Variants in SIMC1 observed in about 807,000 individuals in gnomAD.
SIMC1 encodes the protein SUMO interacting motifs containing 1.
In SIMC1, 55 loss-of-function variants were observed where a neutral mutation model predicts 82.3. The ratio of observed to expected loss-of-function variants is 0.67; its 90% CI spans 0.54 to 0.84. The LOEUF is 0.84. SIMC1 is among the 40% of genes least tolerant of loss of function. The pLI, the probability that SIMC1 is intolerant of heterozygous loss-of-function variation, is 0.00. For missense variants in SIMC1, 915 were observed against 1,107.2 expected (o/e 0.83, Z 2.46); for synonymous variants, 353 against 426.3 (o/e 0.83, Z 2.12).
intron 1 of SIMC1, among the ~76,000 whole-genome samples, chr5:176,257,296 G>T (rs558844084): frequency 6.6e-6 from 1 of 152,108 alleles, no homozygotes; most frequent in African/African-American, 2.4e-5. Flanking sequence ...ATGGATCAAA[G>T]ACTTTTATAT....
chr5:176,303,771 T>A (rs1353791593), intron 4 of SIMC1, among the ~76,000 whole-genome samples: 1 of 152,192 alleles, frequency 6.6e-6, no homozygotes. Flanking sequence ...TTTGGGTACA[T>A]GGTCAAGTGA....
At chr5:176,313,554 A>G (rs529265725) in intron 4 of SIMC1, 137 bp from the exon 5 acceptor site, 1 of 1,550,514 alleles carries the variant, frequency 6.4e-7, no homozygotes, top group African/African-American at 1.4e-5. Context: ...GCCCTCTCCT[A>G]GGAGCCTCTC....
In SIMC1 at chr5:176,287,625, A is replaced by G. The variant is rs577686309; in HGVS notation, c.130-2029A>G. Among the ~76,000 whole-genome samples the G allele has an allele frequency of 7.4e-5, 11 of 148,356 alleles. No individual in the cohort carries two copies. In the South Asian group the frequency reaches 2.2e-3, roughly 29 times the overall value. On this transcript the variant is annotated intron_variant, in intron 1 of 9. Coordinates refer to ENST00000429602, the MANE Select transcript of SIMC1 (RefSeq NM_001308195.2). ...GCACATGTACCCTAGAACTTAAAAT[A>G]TAATAATTTTTTAAAAAGTTAAAAA...
intron 5 of SIMC1, among the ~76,000 whole-genome samples, chr5:176,314,293 T>C (rs1764805801): frequency 6.6e-6 from 1 of 152,162 alleles, no homozygotes; most frequent in South Asian, 2.1e-4. Context: ...TTTTTAAAAA[T>C]AAAACTATAG....
At chr5:176,292,458 AT>A (rs1179941441) in intron 2 of SIMC1, among the ~76,000 whole-genome samples, 4 of 151,932 alleles carry the variant, frequency 2.6e-5, no homozygotes, top group South Asian at 2.1e-4. Flanking sequence ...TTGGAGAATG[AT>A]TTTTTTTCTC....
chr5:176,284,104 T>C (rs1290704730), intron 1 of SIMC1, among the ~76,000 whole-genome samples: 2 of 152,080 alleles, frequency 1.3e-5, no homozygotes, highest in Non-Finnish European at 2.9e-5. Flanking sequence ...CTGTCACCAT[T>C]AGACAGATCA....
At position 176,290,839 on chromosome 5, in the gene SIMC1, A is replaced by C. The variant is rs141786253; in HGVS notation, c.1315A>C (p.Thr439Pro). ...KPGSAHVQSRTPQGGLYNRPC... is the reference protein window; with the variant it reads ...KPGSAHVQSRPPQGGLYNRPC... ...TGGGTCTGCCCACGTACAATCACGAACACCACAAGGTGGGTTGTACAACAG... is the reference window on the plus strand; with the variant it reads ...TGGGTCTGCCCACGTACAATCACGACCACCACAAGGTGGGTTGTACAACAG... The change falls in exon 2 of 10, where the codon ACA becomes CCA. Residue 439 changes from threonine (T) to proline (P), a missense_variant. Coordinates refer to ENST00000429602, the MANE Select transcript of SIMC1 (RefSeq NM_001308195.2). 1 of 1,613,840 alleles carries C rather than the reference A, an allele frequency of 6.2e-7. No individual in the cohort carries two copies. The highest frequency in any genetic ancestry group is 8.5e-7 in the Non-Finnish European group (1 of 1,179,786).
intron 1 of SIMC1, among the ~76,000 whole-genome samples, chr5:176,273,310 C>T (rs1165905885): frequency 6.6e-6 from 1 of 152,184 alleles, no homozygotes; most frequent in Non-Finnish European, 1.5e-5. Flanking sequence ...TGGTGATACT[C>T]AGGCAAACAG....
At chr5:176,262,034 A>G (rs1286523867) in intron 1 of SIMC1, among the ~76,000 whole-genome samples, 2 of 151,732 alleles carry the variant, frequency 1.3e-5, no homozygotes, top group East Asian at 1.9e-4. Context: ...CTACAGACCA[A>G]TATCTTTTAT....
chr5:176,333,141 TAAA>T (rs1335953606), intron 7 of SIMC1, among the ~76,000 whole-genome samples: 2 of 151,880 alleles, frequency 1.3e-5, no homozygotes, highest in Non-Finnish European at 2.9e-5. Context: ...CCGTCTCTAC[TAAA>T]AATACAAAAA....
chr5:176,337,012 T>G (rs1765930603), intron 8 of SIMC1, 50 bp from the exon 9 acceptor site: 2 of 1,606,064 alleles, frequency 1.2e-6, no homozygotes, highest in Admixed American at 1.7e-5. Flanking sequence ...TGTACAAAAA[T>G]TTTAACTGGG....
chr5:176,280,899 A>G (rs1762975208), intron 1 of SIMC1, among the ~76,000 whole-genome samples: 1 of 152,168 alleles, frequency 6.6e-6, no homozygotes, highest in African/African-American at 2.4e-5. Context: ...GAATCTGACA[A>G]TTATGTGTCT....
In SIMC1 at chr5:176,290,303, C is replaced by A. The variant is rs375342201; in HGVS notation, c.779C>A (p.Ala260Asp). 61 of 1,613,722 alleles carry A rather than the reference C, an allele frequency of 3.8e-5. No homozygotes were observed. The highest frequency in any genetic ancestry group is 3.3e-4 in the Middle Eastern group (2 of 6,084). The change falls in exon 2 of 10, where the codon GCT becomes GAT. Residue 260 changes from alanine to aspartate, a missense_variant. Ala to Asp is a moderately radical substitution (Grantham distance 126). Transcript: ENST00000429602. ...CAAACCATGCAGTGCCAACTACCAG[C>A]TCTAACTCACCCACCTCAAGAAGTG... ...PSQTMQCQLP[A>D]LTHPPQEVPC...
intron 1 of SIMC1, among the ~76,000 whole-genome samples, chr5:176,257,713 C>T (rs1321291361): frequency 6.6e-6 from 1 of 152,028 alleles, no homozygotes; most frequent in African/African-American, 2.4e-5. Flanking sequence ...ATTTTTCCCC[C>T]CAAAAAAATG....
At chr5:176,286,644 A>T (rs1763298975) in intron 1 of SIMC1, among the ~76,000 whole-genome samples, 1 of 152,270 alleles carries the variant, frequency 6.6e-6, no homozygotes, top group Non-Finnish European at 1.5e-5. Flanking sequence ...AACGGGATCT[A>T]ATTAAAGAGC....
In SIMC1 at chr5:176,308,472, C is replaced by T. The variant is rs551484966; in HGVS notation, c.1735-5219C>T. On this transcript the variant is annotated intron_variant, in intron 4 of 9. Coordinates refer to ENST00000429602, the MANE Select transcript of SIMC1 (RefSeq NM_001308195.2). ...TGTTTGGCCTTCACATGTTGATGTT[C>T]GCACCCAAGCCATGTACCAGATGAT... is the stretch of plus-strand genomic sequence containing the variant. 5.0e-5 allele frequency: 81 copies of T among 1,607,042 alleles called. No homozygotes were observed. The African/African-American group carries it at 6.1e-4, about 12-fold the overall frequency.
In SIMC1 at chr5:176,294,005, C is replaced by CA. The variant is rs549263266; in HGVS notation, c.1432-1015dup. Reference sequence around the variant, plus strand: ...AGCAACTTAATATTTACTGTTCGCACAAAAAAAAAATGGAATTCTTCTCCT... The same window carrying CA: ...AGCAACTTAATATTTACTGTTCGCACAAAAAAAAAAATGGAATTCTTCTCCT... On this transcript the variant is annotated intron_variant, in intron 2 of 9. Coordinates refer to ENST00000429602, the MANE Select transcript of SIMC1 (RefSeq NM_001308195.2). Among the ~76,000 whole-genome samples the CA allele has an allele frequency of 3.3e-3, 482 of 145,926 alleles. 6 individuals are homozygous for CA. Among genetic ancestry groups the CA allele is most frequent in the African/African-American group, 0.01 (409 of 39,824 alleles).
intron 7 of SIMC1, 99 bp downstream of exon 7, chr5:176,324,856 A>G: frequency 7.4e-7 from 1 of 1,344,210 alleles, no homozygotes; most frequent in Non-Finnish European, 9.9e-7. Context: ...TATCTATGCT[A>G]CCTGTCAGGA....
intron 1 of SIMC1, among the ~76,000 whole-genome samples, chr5:176,273,693 C>A (rs1158560092): frequency 6.6e-6 from 1 of 152,104 alleles, no homozygotes; most frequent in Non-Finnish European, 1.5e-5. Context: ...TGTGATGTTT[C>A]CCTTCCTGTG....
Sources: gnomAD v4.1 joint callset for allele counts (sites outside exome capture counted in the v4.1 genomes callset) on GRCh38, gnomAD v4.1.1 for gene constraint, MANE v1.5 for transcripts, NCBI Gene and HGNC (gene_info 2026-07-23, HGNC 2026-07-21) for gene names.